Variants in TENM3 observed in about 807,000 individuals in gnomAD.
The protein encoded by TENM3 is teneurin transmembrane protein 3, also known as teneurin-3.
TENM3 carries 63 observed loss-of-function variants against 255.1 expected under a neutral mutation model. The ratio of observed to expected loss-of-function variants is 0.25; its 90% CI spans 0.20 to 0.30. The LOEUF is 0.30. TENM3 is among the 10% of genes least tolerant of loss of function. TENM3 has a pLI of 1.00. For missense variants in TENM3, 2,929 were observed against 3,461.1 expected (o/e 0.85, Z 3.86); for synonymous variants, 1,306 against 1,322.3 (o/e 0.99, Z 0.27).
At chr4:182,231,441 A>T (rs1756573832) in intron 1 of TENM3, among the ~76,000 whole-genome samples, 1 of 152,170 alleles carries the variant, frequency 6.6e-6, no homozygotes, top group Non-Finnish European at 1.5e-5. Flanking sequence ...CTGTTATTAT[A>T]AATATGGGCC....
At position 182,619,618 on chromosome 4, in the gene TENM3, C is replaced by T. The variant is rs560291854; in HGVS notation, c.750-9033C>T. ...TCTACATAGCATTACAAGTTAATGA[C>T]GCAATGCAGTTCCACCGTTCTTGTC... On this transcript the variant is annotated intron_variant, in intron 4 of 27. Transcript: ENST00000511685. Among the ~76,000 whole-genome samples the T allele has an allele frequency of 9.9e-5, 15 of 151,504 alleles. No individual in the cohort carries two copies. The South Asian group carries it at 1.1e-3, about 11-fold the overall frequency.
At chr4:182,365,614 T>G (rs2150816921) in intron 3 of TENM3, among the ~76,000 whole-genome samples, 1 of 152,330 alleles carries the variant, frequency 6.6e-6, no homozygotes, top group South Asian at 2.1e-4. Flanking sequence ...TTCTGTATCC[T>G]TATTGAGTAA....
chr4:182,700,763 G>A (rs959276744), intron 12 of TENM3, among the ~76,000 whole-genome samples: 7 of 152,108 alleles, frequency 4.6e-5, no homozygotes, highest in Non-Finnish European at 1.0e-4. Flanking sequence ...TGTTGGTGGG[G>A]AATCTACTAC....
intron 3 of TENM3, among the ~76,000 whole-genome samples, chr4:182,528,445 C>T (rs943623406): frequency 2.6e-5 from 4 of 152,148 alleles, no homozygotes; most frequent in Non-Finnish European, 5.9e-5. Context: ...TATTATAAAA[C>T]ATTTAATGAA....
chr4:181,577,254 T>G, the TENM3 span, among the ~76,000 whole-genome samples: 1 of 145,748 alleles, frequency 6.9e-6, no homozygotes, highest in Non-Finnish European at 1.5e-5. Flanking sequence ...TTGGTCAGGC[T>G]GGTCTCAAAC....
chr4:182,291,325 G>C (rs1338082918), intron 1 of TENM3, among the ~76,000 whole-genome samples: 1 of 152,088 alleles, frequency 6.6e-6, no homozygotes, highest in African/African-American at 2.4e-5. Flanking sequence ...GCTTGAAAGA[G>C]GGTCTCCAAA....
the TENM3 span, among the ~76,000 whole-genome samples, chr4:181,651,253 T>C: frequency 4.6e-5 from 7 of 152,220 alleles, no homozygotes; most frequent in Non-Finnish European, 8.8e-5. Flanking sequence ...CCAGCCTAAA[T>C]AGGCATGTCA....
chr4:182,077,784 G>T, the TENM3 span, among the ~76,000 whole-genome samples: 1 of 152,120 alleles, frequency 6.6e-6, no homozygotes, highest in African/African-American at 2.4e-5. Context: ...GGAAAAAGGG[G>T]TTGAATAACA....
At chr4:182,534,477 G>T (rs1250913859) in intron 3 of TENM3, among the ~76,000 whole-genome samples, 1 of 152,176 alleles carries the variant, frequency 6.6e-6, no homozygotes, top group Non-Finnish European at 1.5e-5. Context: ...GATATGCCAT[G>T]GTTTAAATTT....
intron 22 of TENM3, among the ~76,000 whole-genome samples, chr4:182,764,586 A>C (rs1448278760): frequency 6.6e-6 from 1 of 152,192 alleles, no homozygotes; most frequent in African/African-American, 2.4e-5. Context: ...CCCAGAAGAG[A>C]GAGAAAGAGA....
the TENM3 span, among the ~76,000 whole-genome samples, chr4:182,042,306 C>T: frequency 6.6e-6 from 1 of 152,092 alleles, no homozygotes; most frequent in Admixed American, 6.5e-5. Context: ...AGCCTTTGAA[C>T]CTTGTGAACA....
the TENM3 span, among the ~76,000 whole-genome samples, chr4:181,823,342 T>C: frequency 6.6e-6 from 1 of 152,148 alleles, no homozygotes; most frequent in South Asian, 2.1e-4. Context: ...CCCCTGCTTG[T>C]TGTTATTTTG....
intron 3 of TENM3, among the ~76,000 whole-genome samples, chr4:182,512,121 A>G (rs554362775): frequency 6.6e-6 from 1 of 152,250 alleles, no homozygotes; most frequent in Admixed American, 6.5e-5. Context: ...ACTATTTCAT[A>G]TTACCAGAAC....
At chr4:182,124,455 T>C in the TENM3 span, among the ~76,000 whole-genome samples, 3 of 152,052 alleles carry the variant, frequency 2.0e-5, no homozygotes, top group Non-Finnish European at 4.4e-5. Context: ...GAAATGTAAG[T>C]ATAGGAGATG....
At chr4:181,977,864 A>C in the TENM3 span, among the ~76,000 whole-genome samples, 4 of 152,156 alleles carry the variant, frequency 2.6e-5, no homozygotes, top group African/African-American at 9.7e-5. Context: ...AATCAGAGAG[A>C]ATCAGAATAG....
chr4:181,924,316 C>A, the TENM3 span, among the ~76,000 whole-genome samples: 6 of 152,168 alleles, frequency 3.9e-5, no homozygotes, highest in African/African-American at 1.4e-4. Flanking sequence ...GCTGATGGAC[C>A]TTTGAGTGTT....
At chr4:181,793,442 G>A in the TENM3 span, among the ~76,000 whole-genome samples, 1 of 152,150 alleles carries the variant, frequency 6.6e-6, no homozygotes, top group South Asian at 2.1e-4. Flanking sequence ...GCTCTCCACA[G>A]GCCTATCTAA....
chr4:181,690,134 C>T, the TENM3 span, among the ~76,000 whole-genome samples: 1 of 152,096 alleles, frequency 6.6e-6, no homozygotes, highest in South Asian at 2.1e-4. Context: ...ACCTGCTTTC[C>T]CTGTTCAAAG....
the TENM3 span, among the ~76,000 whole-genome samples, chr4:182,020,827 A>T: frequency 6.6e-6 from 1 of 152,198 alleles, no homozygotes. Flanking sequence ...CTCAAGGCTT[A>T]GCCTACCCAT....
Sources: gnomAD v4.1 joint callset for allele counts (sites outside exome capture counted in the v4.1 genomes callset) on GRCh38, gnomAD v4.1.1 for gene constraint, MANE v1.5 for transcripts, NCBI Gene and HGNC (gene_info 2026-07-23, HGNC 2026-07-21) for gene names.